The following BPTF variants were observed in gnomAD, a reference collection of about 807,000 sequenced individuals.
BPTF encodes bromodomain PHD finger transcription factor, also known as nucleosome-remodeling factor subunit BPTF.
Under a neutral mutation model 292.5 loss-of-function variants are expected in BPTF, and 18 were observed. The ratio of observed to expected loss-of-function variants is 0.06; its 90% CI spans 0.04 to 0.09. BPTF has a LOEUF of 0.09. Among genes scored for constraint, BPTF ranks in the 10% least tolerant of loss-of-function variants. The pLI is 1.00. For synonymous variants in BPTF, 1,225 were observed against 1,251.9 expected (o/e 0.98, Z 0.45); for missense variants, 2,726 against 3,498.7 (o/e 0.78, Z 5.57).
chr17:67,871,066 C>T (rs943196086), intron 3 of BPTF, among the ~76,000 whole-genome samples: 4 of 151,892 alleles, frequency 2.6e-5, no homozygotes, highest in Admixed American at 6.6e-5. Flanking sequence ...CCACCGCGCC[C>T]GGCCGAAAAT....
chr17:67,909,271 C>A lies in BPTF; in HGVS notation c.2813-311C>A, dbSNP rs563186440. 7.0e-3 allele frequency among the ~76,000 whole-genome samples: 596 copies of A among 84,782 alleles called. 9 individuals carry two copies. Among genetic ancestry groups the A allele is most frequent in the Non-Finnish European group, 9.9e-3 (378 of 38,188 alleles). The allele number at this position is 84,782 out of a possible 152,430, so 55.6% of individuals were successfully genotyped here. ...TGGCATGAGCCACCGCACCAGGTCC[C>A]CCCCCCCCTTTTTTTTTTTATCCTG... On this transcript the variant is annotated intron_variant, in intron 9 of 27. Coordinates refer to ENST00000306378, the MANE Select transcript of BPTF (RefSeq NM_182641.4).
At chr17:67,931,147 C>A (rs2064351573) in intron 17 of BPTF, among the ~76,000 whole-genome samples, 1 of 151,988 alleles carries the variant, frequency 6.6e-6, no homozygotes, top group African/African-American at 2.4e-5. Flanking sequence ...CGCCTGTGAT[C>A]CCAGCTACTT....
chr17:67,950,009 G>A (rs755942082), intron 23 of BPTF, among the ~76,000 whole-genome samples: 18 of 126,416 alleles, frequency 1.4e-4, no homozygotes, highest in Non-Finnish European at 1.9e-4. Flanking sequence ...AGCCAAGATC[G>A]CACCACTGCA....
Position 67,911,241 on chromosome 17 carries a change from G to C in BPTF, c.3357G>C (p.Ser1119=). The stretch of plus-strand genomic sequence containing the variant: ...CAAAAGAAGGGTGTCAGAGTGACTC[G>C]ATGAGACAAGAACAGAGCCCAAATG... ...TKAKEGCQSD[S]MRQEQSPNAN... is the part of the protein sequence containing the mutation. The change falls in exon 11 of 28, where the codon TCG becomes TCC. Residue 1119 remains serine, a synonymous_variant. Transcript: ENST00000306378. The C allele has an allele frequency of 6.2e-7, 1 of 1,613,990 alleles. No homozygotes were observed. The highest frequency in any genetic ancestry group is 8.5e-7 in the Non-Finnish European group (1 of 1,179,970).
chr17:67,925,411 C>T (rs544744948), intron 15 of BPTF, among the ~76,000 whole-genome samples: 2 of 152,228 alleles, frequency 1.3e-5, no homozygotes, highest in East Asian at 3.9e-4. Context: ...TGCCTGTAGT[C>T]CCAGCATTTT....
At chr17:67,957,348 A>T (rs2067058565) in intron 23 of BPTF, 1 of 152,204 alleles carries the variant, frequency 6.6e-6, no homozygotes, top group African/African-American at 2.4e-5. Flanking sequence ...GAGAGACTAT[A>T]AATCATGATG....
At chr17:67,900,889 A>G (rs758303195) in intron 7 of BPTF, among the ~76,000 whole-genome samples, 4 of 151,864 alleles carry the variant, frequency 2.6e-5, no homozygotes, top group Non-Finnish European at 4.4e-5. Flanking sequence ...CTTGCCTGTA[A>G]TGCCAGCTGC....
At chr17:67,980,046 A>G (rs1392143514) in intron 27 of BPTF, among the ~76,000 whole-genome samples, 1 of 146,604 alleles carries the variant, frequency 6.8e-6, no homozygotes, top group Non-Finnish European at 1.5e-5. Flanking sequence ...ACAAACAAAC[A>G]AAAAAAAACC....
At chr17:67,907,820 G>A (rs1222928482) in intron 9 of BPTF, among the ~76,000 whole-genome samples, 1 of 152,052 alleles carries the variant, frequency 6.6e-6, no homozygotes, top group Non-Finnish European at 1.5e-5. Context: ...CAAATTAACC[G>A]TAATTAACAA....
intron 2 of BPTF, among the ~76,000 whole-genome samples, chr17:67,862,271 C>T (rs549423357): frequency 2.6e-4 from 40 of 152,268 alleles, no homozygotes; most frequent in South Asian, 8.3e-4. Flanking sequence ...CCATCGTGCC[C>T]GGCCTAGTTA....
intron 1 of BPTF, among the ~76,000 whole-genome samples, chr17:67,850,000 T>C (rs1379722609): frequency 6.6e-6 from 1 of 152,136 alleles, no homozygotes; most frequent in Non-Finnish European, 1.5e-5. Context: ...CAGTGACATA[T>C]GCACTCTGAA....
chr17:67,979,421 C>T (rs532071308), intron 27 of BPTF, among the ~76,000 whole-genome samples: 70 of 151,756 alleles, frequency 4.6e-4, no homozygotes, highest in Middle Eastern at 6.8e-3. Flanking sequence ...GTTGCACATG[C>T]CTGTAATCCC....
intron 24 of BPTF, 129 bp downstream of exon 24, chr17:67,960,004 C>A: frequency 1.4e-6 from 1 of 717,460 alleles, no homozygotes; most frequent in Non-Finnish European, 2.2e-6. Flanking sequence ...ATGTTTCATC[C>A]ATGGTCTTGC....
Position 67,940,487 on chromosome 17 carries a change from C to T in BPTF, c.6308C>T (p.Ser2103Phe). 6.2e-7 allele frequency: 1 copy of T among 1,614,138 alleles called. No homozygotes were observed. Among genetic ancestry groups the T allele is most frequent in the Non-Finnish European group, 8.5e-7 (1 of 1,180,018 alleles). Residue 2103 changes from serine (S) to phenylalanine (F), a missense_variant, in exon 19 of 28, where the codon TCC becomes TTC. Around this residue, in one of 22 missense-constraint regions of BPTF, gnomAD observed 570 missense variants for 633.5 expected, o/e 0.90. Transcript: ENST00000306378. Reference protein sequence around the residue: ...MTQIIRGQPVSTAVSAPNTVS... With the variant: ...MTQIIRGQPVFTAVSAPNTVS... The stretch of plus-strand genomic sequence containing the variant: ...CAAATCATCAGGGGGCAGCCTGTCT[C>T]CACTGCAGTCTCCGCCCCTAACACG...
chr17:67,919,803 T>C (rs1341543449), intron 12 of BPTF, among the ~76,000 whole-genome samples: 1 of 152,186 alleles, frequency 6.6e-6, no homozygotes, highest in Non-Finnish European at 1.5e-5. Flanking sequence ...CCAGCAGCAT[T>C]TTGTTTCGTT....
intron 4 of BPTF, among the ~76,000 whole-genome samples, chr17:67,883,001 TAAAAAAA>T (rs886889170): frequency 3.2e-5 from 3 of 94,672 alleles, no homozygotes; most frequent in Admixed American, 1.2e-4. Context: ...AGACGTTGTC[TAAAAAAA>T]AAAAAAAAAA....
chr17:67,827,362 T>G (rs770729719), intron 1 of BPTF, among the ~76,000 whole-genome samples: 2 of 152,196 alleles, frequency 1.3e-5, no homozygotes, highest in Non-Finnish European at 2.9e-5. Flanking sequence ...TTCTGTTTTC[T>G]CACAGAAAGT....
chr17:67,898,033 A>G (rs963045425), intron 7 of BPTF, among the ~76,000 whole-genome samples: 1 of 152,246 alleles, frequency 6.6e-6, no homozygotes, highest in Non-Finnish European at 1.5e-5. Context: ...CTTAGACACC[A>G]ATCTCCAATA....
In BPTF at chr17:67,911,339, A is replaced by G. The variant is rs146252302; in HGVS notation, c.3455A>G (p.Asp1152Gly). The G allele has an allele frequency of 1.2e-6, 2 of 1,614,164 alleles. No individual in the cohort carries two copies. Among genetic ancestry groups the G allele is most frequent in the Non-Finnish European group, 8.5e-7 (1 of 1,180,022 alleles). Residue 1152 changes from aspartate (D) to glycine (G), a missense_variant, in exon 11 of 28, where the codon GAT becomes GGT. By Grantham distance (94) the Asp-to-Gly change is moderately conservative (BLOSUM62 -1). This residue lies in a region of BPTF where 713 missense variants were observed against 714.9 expected (regional missense o/e 1.00). Transcript: ENST00000306378. Reference protein sequence around the residue: ...ESDSSVLRMSDPSHTTNKLYP... With the variant: ...ESDSSVLRMSGPSHTTNKLYP... ...GATTCCTCAGTTCTTAGAATGAGTG[A>G]TCCTAGTCATACCACAAACAAACTT...
Sources: gnomAD v4.1 joint callset for allele counts (sites outside exome capture counted in the v4.1 genomes callset) on GRCh38, gnomAD v4.1.1 for gene constraint, gnomAD v4.1.1 regional missense constraint, MANE v1.5 for transcripts, NCBI Gene and HGNC (gene_info 2026-07-23, HGNC 2026-07-21) for gene names.